PPP1R9A: variants seen among roughly 807,000 people sequenced by gnomAD.
PPP1R9A encodes the protein neurabin-1.
Under a neutral mutation model 141.9 loss-of-function variants are expected in PPP1R9A, and 59 were observed. The ratio of observed to expected loss-of-function variants is 0.42; its 90% CI spans 0.34 to 0.52. The LOEUF (loss-of-function observed/expected upper bound fraction) is 0.52. PPP1R9A is among the 20% of genes least tolerant of loss of function. The probability of loss-of-function intolerance (pLI) is 0.10; values close to 1 mark genes in which losing one functional copy is unlikely to be tolerated. For missense variants in PPP1R9A, 1,444 were observed against 1,611.9 expected (o/e 0.90, Z 1.78); for synonymous variants, 500 against 569.7 (o/e 0.88, Z 1.74).
At chr7:94,961,933 A>G (rs961259645) in intron 2 of PPP1R9A, among the ~76,000 whole-genome samples, 9 of 151,862 alleles carry the variant, frequency 5.9e-5, no homozygotes, top group African/African-American at 2.2e-4. Flanking sequence ...AATGCCTACT[A>G]TGTGCCTAAA....
intron 4 of PPP1R9A, among the ~76,000 whole-genome samples, chr7:95,134,378 A>C (rs936661893): frequency 6.6e-6 from 1 of 152,166 alleles, no homozygotes; most frequent in Non-Finnish European, 1.5e-5. Context: ...TGCTGGGCTT[A>C]AAACCTAGAT....
At chr7:95,205,483 T>C (rs1790588940) in intron 7 of PPP1R9A, among the ~76,000 whole-genome samples, 1 of 152,228 alleles carries the variant, frequency 6.6e-6, no homozygotes, top group Non-Finnish European at 1.5e-5. Flanking sequence ...AGTATTTTTC[T>C]GACTTTAAAA....
At chr7:95,152,185 C>T (rs890532203) in intron 4 of PPP1R9A, among the ~76,000 whole-genome samples, 118 of 151,974 alleles carry the variant, frequency 7.8e-4, no homozygotes, top group African/African-American at 2.7e-3. Flanking sequence ...CTCTTGACCT[C>T]GTGATCCACC....
Position 95,290,864 on chromosome 7 carries a change from C to T in PPP1R9A, c.*561C>T, listed in dbSNP as rs1806263134. 1 of 152,998 alleles carries T rather than the reference C, an allele frequency of 6.5e-6. No individual in the cohort carries two copies. Among genetic ancestry groups the T allele is most frequent in the Admixed American group, 6.5e-5 (1 of 15,454 alleles). 9.5% of individuals were successfully genotyped at this position (152,998 alleles called of 1,614,324 possible). ...CCGCTGTGGAAACATGGGTGCTCTG[C>T]TCTGTAGTTACCTACTAAGGGAAAA... is the stretch of plus-strand genomic sequence containing the variant. On this transcript the variant is annotated 3_prime_UTR_variant, in exon 20 of 20. Transcript: ENST00000433360.
intron 3 of PPP1R9A, among the ~76,000 whole-genome samples, chr7:95,119,107 A>G (rs984719491): frequency 2.6e-5 from 4 of 152,202 alleles, no homozygotes; most frequent in Non-Finnish European, 4.4e-5. Context: ...TATTTCTTTA[A>G]TAATCCATCA....
intron 2 of PPP1R9A, among the ~76,000 whole-genome samples, chr7:95,089,467 C>A (rs1247207058): frequency 1.3e-5 from 2 of 152,046 alleles, no homozygotes; most frequent in African/African-American, 4.8e-5. Flanking sequence ...ATGTGTACTT[C>A]TTTCCTTGAA....
At chr7:95,266,683 T>C (rs1244165421) in intron 12 of PPP1R9A, among the ~76,000 whole-genome samples, 1 of 152,150 alleles carries the variant, frequency 6.6e-6, no homozygotes, top group African/African-American at 2.4e-5. Flanking sequence ...AGATAGAGTA[T>C]GTGGCATGAT....
intron 4 of PPP1R9A, among the ~76,000 whole-genome samples, chr7:95,147,038 C>G (rs1480773012): frequency 1.3e-5 from 2 of 152,102 alleles, no homozygotes; most frequent in Non-Finnish European, 2.9e-5. Flanking sequence ...TGAAGAAAGT[C>G]AATGGTAGCT....
chr7:95,228,917 G>A (rs568706529), intron 8 of PPP1R9A, among the ~76,000 whole-genome samples: 97 of 152,180 alleles, frequency 6.4e-4, no homozygotes, highest in African/African-American at 2.3e-3. Context: ...TAAGTAACAG[G>A]ACATATTACT....
intron 12 of PPP1R9A, among the ~76,000 whole-genome samples, chr7:95,267,996 C>T (rs1801569742): frequency 6.6e-6 from 1 of 151,922 alleles, no homozygotes; most frequent in East Asian, 1.9e-4. Context: ...CTACAGGTTT[C>T]AAAAAGGAAC....
At chr7:95,269,604 G>T in intron 14 of PPP1R9A, 97 bp downstream of exon 14, 1 of 932,060 alleles carries the variant, frequency 1.1e-6, no homozygotes. Flanking sequence ...TTTTCTCATA[G>T]CTAATAATTA....
intron 16 of PPP1R9A, among the ~76,000 whole-genome samples, chr7:95,274,653 G>A (rs1295789515): frequency 6.6e-6 from 1 of 152,068 alleles, no homozygotes; most frequent in African/African-American, 2.4e-5. Flanking sequence ...TGATTTTGTG[G>A]GCACTGTCAA....
At chr7:95,259,600 G>A (rs1397843681) in intron 12 of PPP1R9A, among the ~76,000 whole-genome samples, 1 of 152,090 alleles carries the variant, frequency 6.6e-6, no homozygotes, top group Admixed American at 6.6e-5. Flanking sequence ...GTGGGTTTGA[G>A]GCCAGGCCAG....
rs780780646 is a variant in PPP1R9A at position 95,274,104 on chromosome 7, T to A, written c.3232T>A (p.Ser1078Thr). ...VDLGAPLRRN[S>T]SKGKKWKEKE... ...TTACAGGGCGCCTTTGCGAAGGAAT[T>A]CCAGCAAGGGAAAGAAGTGGAAAGA... Residue 1078 changes from serine (S) to threonine (T), a missense_variant, in exon 16 of 20, where the codon TCC (serine) becomes ACC (threonine). Physicochemically the swap from Ser to Thr is moderately conservative, Grantham distance 58. This residue lies in a region of PPP1R9A where 459 missense variants were observed against 513.8 expected (regional missense o/e 0.89). Coordinates refer to ENST00000433360, the MANE Select transcript of PPP1R9A (RefSeq NM_001166160.2). 1.3e-6 allele frequency: 2 copies of A among 1,583,840 alleles called. No homozygotes were observed. Among genetic ancestry groups the A allele is most frequent in the Non-Finnish European group, 8.5e-7 (1 of 1,170,782 alleles).
intron 2 of PPP1R9A, among the ~76,000 whole-genome samples, chr7:94,978,821 C>T (rs916941054): frequency 1.3e-5 from 2 of 152,122 alleles, no homozygotes; most frequent in South Asian, 2.1e-4. Context: ...TTGTGAGACA[C>T]GGTCTCGCTC....
rs145638597 is a variant in PPP1R9A at position 94,986,162 on chromosome 7, T to C, written c.1395+74654T>C. On this transcript the variant is annotated intron_variant, in intron 2 of 19. Coordinates refer to ENST00000433360, the MANE Select transcript of PPP1R9A (RefSeq NM_001166160.2). ...TGTTATACTTTTACCACTACCATTA[T>C]TTTCTTTTTAGTTAAACTTGCATTT... Among the ~76,000 whole-genome samples, 122 of 152,326 alleles carry C rather than the reference T, an allele frequency of 8.0e-4. 1 individual carries two copies. Among genetic ancestry groups the C allele is most frequent in the Middle Eastern group, 3.4e-3 (1 of 294 alleles).
chr7:95,269,170 G>C (rs750166176), intron 13 of PPP1R9A, 37 bp from the exon 14 acceptor site: 1 of 1,478,956 alleles, frequency 6.8e-7, no homozygotes, highest in Non-Finnish European at 9.2e-7. Flanking sequence ...CTGATACTCA[G>C]TGGCATAACC....
intron 12 of PPP1R9A, among the ~76,000 whole-genome samples, chr7:95,254,926 A>G (rs1799371293): frequency 6.6e-6 from 1 of 152,228 alleles, no homozygotes; most frequent in Admixed American, 6.5e-5. Context: ...CTCAAGTATT[A>G]TTAAAATTTT....
At chr7:95,165,112 C>T (rs1563341624) in intron 5 of PPP1R9A, among the ~76,000 whole-genome samples, 1 of 152,148 alleles carries the variant, frequency 6.6e-6, no homozygotes, top group Non-Finnish European at 1.5e-5. Flanking sequence ...CTCAAATTCA[C>T]TCTATCTCAA....
Sources: allele counts gnomAD v4.1 joint callset (sites outside exome capture counted in the v4.1 genomes callset), GRCh38; gene constraint gnomAD v4.1.1; regional missense constraint gnomAD v4.1.1; transcripts MANE v1.5; gene names NCBI Gene and HGNC (gene_info 2026-07-23, HGNC 2026-07-21).